Variants in RIMS2 observed in about 807,000 individuals in gnomAD.
RIMS2 encodes regulating synaptic membrane exocytosis 2, also known as regulating synaptic membrane exocytosis protein 2.
Under a neutral mutation model 174.4 loss-of-function variants are expected in RIMS2, and 59 were observed. That is an observed-to-expected ratio of 0.34 (90% CI 0.27 to 0.42). RIMS2 has a LOEUF of 0.42. Among genes scored for constraint, RIMS2 ranks in the 10% least tolerant of loss-of-function variants. The pLI is 1.00. For synonymous variants in RIMS2, 606 were observed against 572.5 expected (o/e 1.06, Z -0.84); for missense variants, 1,620 against 1,666.3 (o/e 0.97, Z 0.48).
intron 1 of RIMS2, among the ~76,000 whole-genome samples, chr8:103,649,699 A>G (rs2096413607): frequency 6.6e-6 from 1 of 151,072 alleles, no homozygotes; most frequent in African/African-American, 2.4e-5. Context: ...TCAGAAAGAC[A>G]GTCTTCAAGC....
At chr8:103,829,184 A>G (rs2098810451) in intron 3 of RIMS2, among the ~76,000 whole-genome samples, 1 of 151,868 alleles carries the variant, frequency 6.6e-6, no homozygotes, top group Non-Finnish European at 1.5e-5. Flanking sequence ...AAGCAAAACC[A>G]GAATGAGATA....
At chr8:104,142,120 C>CTTT (rs71297257) in intron 19 of RIMS2, among the ~76,000 whole-genome samples, 22 of 131,998 alleles carry the variant, frequency 1.7e-4, no homozygotes, top group African/African-American at 3.4e-4. Context: ...AAATATCTTC[C>CTTT]TTTTTTTTTT....
chr8:104,003,163 G>T (rs1424740805), intron 17 of RIMS2, among the ~76,000 whole-genome samples: 1 of 152,036 alleles, frequency 6.6e-6, no homozygotes, highest in Non-Finnish European at 1.5e-5. Flanking sequence ...TAACATCTAT[G>T]GTGGGCAGCT....
At chr8:103,715,042 C>A (rs1369817483) in intron 2 of RIMS2, among the ~76,000 whole-genome samples, 1 of 151,950 alleles carries the variant, frequency 6.6e-6, no homozygotes, top group East Asian at 1.9e-4. Context: ...ATTAGCTGAT[C>A]AATTAAATTA....
At chr8:103,606,058 G>C (rs1239365324) in intron 1 of RIMS2, among the ~76,000 whole-genome samples, 1 of 146,340 alleles carries the variant, frequency 6.8e-6, no homozygotes, top group Non-Finnish European at 1.5e-5. Flanking sequence ...GAATGTGTTT[G>C]CTCTTGCTTT....
chr8:103,795,424 G>C (rs1250749847), intron 3 of RIMS2, among the ~76,000 whole-genome samples: 2 of 150,834 alleles, frequency 1.3e-5, no homozygotes. Context: ...CACACACTGG[G>C]GCATGTTGTG....
intron 10 of RIMS2, among the ~76,000 whole-genome samples, chr8:103,927,420 T>C (rs1268998031): frequency 6.6e-6 from 1 of 151,538 alleles, no homozygotes; most frequent in Non-Finnish European, 1.5e-5. Flanking sequence ...TTTTCACTAA[T>C]GACTCTGTAA....
chr8:104,245,603 T>C (rs1014933940), intron 20 of RIMS2, among the ~76,000 whole-genome samples: 5 of 152,242 alleles, frequency 3.3e-5, no homozygotes, highest in African/African-American at 1.2e-4. Context: ...CTGTCTCAGA[T>C]ATTTTTAAAG....
intron 19 of RIMS2, among the ~76,000 whole-genome samples, chr8:104,050,060 G>A (rs1482651179): frequency 6.6e-6 from 1 of 152,118 alleles, no homozygotes; most frequent in South Asian, 2.1e-4. Flanking sequence ...TTATAAAATA[G>A]CCAAATAACC....
chr8:104,214,985 C>CA (rs141580324), intron 19 of RIMS2, among the ~76,000 whole-genome samples: 3,031 of 152,190 alleles, frequency 0.02, 41 homozygotes, highest in Middle Eastern at 0.034. Context: ...TAAAATCTTG[C>CA]AATTTGTAAT....
chr8:103,577,838 T>C (rs552082049), intron 1 of RIMS2, among the ~76,000 whole-genome samples: 1 of 152,166 alleles, frequency 6.6e-6, no homozygotes, highest in South Asian at 2.1e-4. Context: ...AGGCTCTCAA[T>C]AGCAAAATGG....
intron 1 of RIMS2, among the ~76,000 whole-genome samples, chr8:103,688,385 G>A (rs1466592742): frequency 6.6e-6 from 1 of 151,984 alleles, no homozygotes; most frequent in Non-Finnish European, 1.5e-5. Flanking sequence ...TGTTAACGTG[G>A]TGTATCACAT....
chr8:104,153,139 ACT>A (rs1438784482), intron 19 of RIMS2, among the ~76,000 whole-genome samples: 2 of 152,106 alleles, frequency 1.3e-5, no homozygotes, highest in African/African-American at 2.4e-5. Context: ...CTAAGTTATA[ACT>A]CTCTTCTGTC....
chr8:103,973,424 C>G (rs146060811), intron 15 of RIMS2, among the ~76,000 whole-genome samples: 1 of 151,992 alleles, frequency 6.6e-6, no homozygotes, highest in Non-Finnish European at 1.5e-5. Flanking sequence ...CATTCAAAAC[C>G]CATGCAGCTT....
At chr8:103,876,909 T>TATATATATATATATACAC (rs71297243) in intron 3 of RIMS2, among the ~76,000 whole-genome samples, 3 of 66,130 alleles carry the variant, frequency 4.5e-5, no homozygotes, top group Non-Finnish European at 1.1e-4. Context: ...TATATATATA[T>TATATATATATATATACAC]ACACACACAC....
chr8:103,819,320 C>T, intron 3 of RIMS2: 1 of 1,425,846 alleles, frequency 7.0e-7, no homozygotes, highest in Non-Finnish European at 9.1e-7. Flanking sequence ...TCTTCTACGA[C>T]TGAATTAGAA....
At chr8:103,781,445 A>G (rs2098387282) in intron 3 of RIMS2, among the ~76,000 whole-genome samples, 2 of 152,226 alleles carry the variant, frequency 1.3e-5, no homozygotes, top group South Asian at 2.1e-4. Context: ...GAACAAAAGT[A>G]TATATTTTTA....
intron 2 of RIMS2, among the ~76,000 whole-genome samples, chr8:103,734,922 G>A (rs904096338): frequency 4.4e-4 from 50 of 114,518 alleles, no homozygotes; most frequent in Middle Eastern, 4.2e-3. Context: ...CTGTGCCACC[G>A]AAGGGCACAG....
chr8:103,521,988 TG>T (rs1352864870), intron 1 of RIMS2, among the ~76,000 whole-genome samples: 4 of 152,168 alleles, frequency 2.6e-5, no homozygotes, highest in African/African-American at 9.7e-5. Context: ...AGGCTAGTAA[TG>T]TTTTTTTTCT....
Sources: allele counts gnomAD v4.1 joint callset (sites outside exome capture counted in the v4.1 genomes callset), GRCh38; gene constraint gnomAD v4.1.1; transcripts MANE v1.5; gene names NCBI Gene and HGNC (gene_info 2026-07-23, HGNC 2026-07-21).